DEPDC1B: variants seen among roughly 807,000 people sequenced by gnomAD.
The protein encoded by DEPDC1B is DEP domain-containing protein 1B.
Under a neutral mutation model 66.5 loss-of-function variants are expected in DEPDC1B, and 51 were observed. That is an observed-to-expected ratio of 0.77 (90% CI 0.61 to 0.97). The LOEUF (loss-of-function observed/expected upper bound fraction) is 0.97, where lower values mean the gene tolerates loss of function less well. Ranked by LOEUF, DEPDC1B falls within the 50% of genes least tolerant of loss-of-function variation. The pLI is 0.00. For synonymous variants in DEPDC1B, 226 were observed against 223.6 expected (o/e 1.01, Z -0.10); for missense variants, 552 against 637.1 (o/e 0.87, Z 1.44).
intron 2 of DEPDC1B, among the ~76,000 whole-genome samples, chr5:60,661,998 G>A (rs913809041): frequency 6.6e-6 from 1 of 152,132 alleles, no homozygotes; most frequent in Non-Finnish European, 1.5e-5. Flanking sequence ...GACTAAGGGA[G>A]GTACTGAGAA....
chr5:60,598,503 C>T (rs1162838275), intron 10 of DEPDC1B, among the ~76,000 whole-genome samples: 1 of 152,168 alleles, frequency 6.6e-6, no homozygotes, highest in Non-Finnish European at 1.5e-5. Flanking sequence ...AAAACAAAAA[C>T]CACTCACCTG....
At chr5:60,673,831 C>T (rs1240511799) in intron 2 of DEPDC1B, among the ~76,000 whole-genome samples, 2 of 152,310 alleles carry the variant, frequency 1.3e-5, no homozygotes, top group East Asian at 3.9e-4. Context: ...CCTGTTCTCT[C>T]CAAAAGAGTG....
Position 60,638,736 on chromosome 5 carries a change from A to T in DEPDC1B, c.898+14T>A. 1 of 1,599,510 alleles carries T rather than the reference A, an allele frequency of 6.3e-7. No individual in the cohort carries two copies. The highest frequency in any genetic ancestry group is 1.1e-5 in the South Asian group (1 of 88,062). ...TCAGTGATGTAGATATATGTTCATT[A>T]TATTCCAACTTACCCAGTACACTGA... is the stretch of plus-strand genomic sequence containing the variant. On this transcript the variant is annotated intron_variant, in intron 7 of 10. Coordinates refer to ENST00000265036, the MANE Select transcript of DEPDC1B (RefSeq NM_018369.3).
chr5:60,609,592 A>T (rs956541819), intron 7 of DEPDC1B, among the ~76,000 whole-genome samples: 6 of 152,208 alleles, frequency 3.9e-5, no homozygotes. Context: ...CAGCTGGAGC[A>T]TGGAATACAG....
rs1232516368 is a variant in DEPDC1B, at chr5:60,667,961, AATG to A, written c.314+18998_314+19000del. 3.3e-5 allele frequency among the ~76,000 whole-genome samples: 4 copies of A among 121,462 alleles called. 1 individual carries two copies. The highest frequency in any genetic ancestry group is 6.3e-5 in the African/African-American group (2 of 31,682). 79.7% of individuals were successfully genotyped at this position (121,462 alleles called of 152,430 possible). A position where few individuals can be genotyped will look rare whatever the true frequency, so the allele number is the denominator to read the frequency against. Reference sequence around the variant, plus strand: ...TATAAAATGGATATTTTATATATATAATGGATATTTTATATATATAAAATGGAT... The same window carrying A: ...TATAAAATGGATATTTTATATATATAGATATTTTATATATATAAAATGGAT... On this transcript the variant is annotated intron_variant, in intron 2 of 10. Transcript: ENST00000265036.
intron 1 of DEPDC1B, among the ~76,000 whole-genome samples, chr5:60,697,861 A>G (rs1754691531): frequency 6.6e-6 from 1 of 152,204 alleles, no homozygotes; most frequent in African/African-American, 2.4e-5. Context: ...GAAGACTTCT[A>G]GAGAGCAGAG....
intron 2 of DEPDC1B, among the ~76,000 whole-genome samples, chr5:60,659,283 C>T (rs1448407055): frequency 6.6e-6 from 1 of 152,168 alleles, no homozygotes; most frequent in African/African-American, 2.4e-5. Context: ...CCCCCCGTAA[C>T]ATCTGGTGGC....
intron 7 of DEPDC1B, among the ~76,000 whole-genome samples, chr5:60,606,609 CAAAAAAAAAAAAAAAAAA>C (rs60544270): frequency 0.04 from 1,864 of 46,648 alleles, 21 homozygotes; most frequent in South Asian, 0.066. Context: ...CCCATTTCTA[CAAAAAAAAAAAAAAAAAA>C]AAAAAAAAAA....
intron 2 of DEPDC1B, among the ~76,000 whole-genome samples, chr5:60,661,274 GA>G (rs1753709745): frequency 6.6e-6 from 1 of 152,118 alleles, no homozygotes; most frequent in Admixed American, 6.5e-5. Flanking sequence ...TTGTGGTCAA[GA>G]AAAGCAGGAA....
intron 2 of DEPDC1B, among the ~76,000 whole-genome samples, chr5:60,681,404 C>G (rs988410930): frequency 6.6e-6 from 1 of 152,220 alleles, no homozygotes; most frequent in African/African-American, 2.4e-5. Flanking sequence ...GCATTGATTA[C>G]AGCCAAAGAA....
At chr5:60,598,067 C>T (rs1371210265) in intron 10 of DEPDC1B, among the ~76,000 whole-genome samples, 153 bp from the exon 11 acceptor site, 1 of 151,974 alleles carries the variant, frequency 6.6e-6, no homozygotes, top group African/African-American at 2.4e-5. Flanking sequence ...AGAGCTAATC[C>T]ATCTTTCCTT....
In DEPDC1B at chr5:60,645,234, C is replaced by T. The variant is rs570644210; in HGVS notation, c.578+258G>A. Among the ~76,000 whole-genome samples, 80 of 152,254 alleles carry T rather than the reference C, an allele frequency of 5.3e-4. 1 individual carries two copies. Among genetic ancestry groups the T allele is most frequent in the Middle Eastern group, 3.4e-3 (1 of 294 alleles). On this transcript the variant is annotated intron_variant, in intron 4 of 10. Transcript: ENST00000265036. Reference sequence around the variant, plus strand: ...GATTGTTAACTTTATACATACAGTACATCAGTATCTAGGAGACCAAATTTT... The same window carrying T: ...GATTGTTAACTTTATACATACAGTATATCAGTATCTAGGAGACCAAATTTT...
intron 7 of DEPDC1B, among the ~76,000 whole-genome samples, chr5:60,610,166 G>T (rs976723340): frequency 6.6e-6 from 1 of 152,216 alleles, no homozygotes. Flanking sequence ...ATACATGAAT[G>T]AAGGATAAGA....
intron 7 of DEPDC1B, among the ~76,000 whole-genome samples, chr5:60,634,620 C>T (rs1205364501): frequency 2.0e-5 from 3 of 149,760 alleles, no homozygotes; most frequent in African/African-American, 2.5e-5. Context: ...TGCAGTGAGC[C>T]GAGATCATGC....
At chr5:60,696,958 C>A (rs559793147) in intron 1 of DEPDC1B, among the ~76,000 whole-genome samples, 8 of 152,184 alleles carry the variant, frequency 5.3e-5, no homozygotes, top group Non-Finnish European at 1.0e-4. Flanking sequence ...CTTGCCACAA[C>A]CTCGTTGTGT....
Position 60,599,181 on chromosome 5 carries a change from T to A in DEPDC1B, c.1322A>T (p.Glu441Val). 1 of 1,613,586 alleles carries A rather than the reference T, an allele frequency of 6.2e-7. No individual in the cohort carries two copies. ...CTGAGAGCCATATGATCTTTGATAT[T>A]CAAATTCCTCTGGACTAATTTGACG... ...FCRQISPEEF[E>V]YQRSYGSQEP... The change falls in exon 10 of 11, where the codon GAA (glutamate) becomes GTA (valine). Residue 441 changes from glutamate to valine, a missense_variant. Glu to Val is a moderately radical substitution (Grantham distance 121, BLOSUM62 -2). Coordinates refer to ENST00000265036, the MANE Select transcript of DEPDC1B (RefSeq NM_018369.3).
chr5:60,698,409 C>T (rs569440697), intron 1 of DEPDC1B, among the ~76,000 whole-genome samples: 9 of 152,204 alleles, frequency 5.9e-5, no homozygotes, highest in Non-Finnish European at 8.8e-5. Flanking sequence ...TACGTTGGAA[C>T]CATGAGACCA....
chr5:60,633,031 C>T (rs1752960599), intron 7 of DEPDC1B, among the ~76,000 whole-genome samples: 2 of 152,198 alleles, frequency 1.3e-5, no homozygotes, highest in Non-Finnish European at 2.9e-5. Flanking sequence ...CTGCTGTGTG[C>T]CAGCTGCTGT....
At chr5:60,613,173 A>G (rs1752458725) in intron 7 of DEPDC1B, among the ~76,000 whole-genome samples, 2 of 152,336 alleles carry the variant, frequency 1.3e-5, no homozygotes, top group Non-Finnish European at 1.5e-5. Context: ...TAGGGCAACT[A>G]TGGACAAATA....
Sources: gnomAD v4.1 joint callset for allele counts (sites outside exome capture counted in the v4.1 genomes callset) on GRCh38, gnomAD v4.1.1 for gene constraint, MANE v1.5 for transcripts, NCBI Gene and HGNC (gene_info 2026-07-23, HGNC 2026-07-21) for gene names.